Variants in SGCD observed in about 807,000 individuals in gnomAD.
SGCD encodes the protein delta-sarcoglycan.
Under a neutral mutation model 36.6 loss-of-function variants are expected in SGCD, and 18 were observed. That is an observed-to-expected ratio of 0.49 (90% CI 0.34 to 0.73). The LOEUF (loss-of-function observed/expected upper bound fraction) is 0.73, where lower values mean the gene tolerates loss of function less well. Among genes scored for constraint, SGCD ranks in the 30% least tolerant of loss-of-function variants. The pLI, the probability that SGCD is intolerant of heterozygous loss-of-function variation, is 0.01. For synonymous variants in SGCD, 133 were observed against 130.6 expected (o/e 1.02, Z -0.12); for missense variants, 387 against 346.7 (o/e 1.12, Z -0.92).
intron 4 of SGCD, among the ~76,000 whole-genome samples, chr5:156,549,212 T>G (rs1248002877): frequency 2.6e-5 from 4 of 152,156 alleles, no homozygotes; most frequent in Non-Finnish European, 5.9e-5. Flanking sequence ...TCATCTTTGA[T>G]CACAGATTGG....
Position 156,177,547 on chromosome 5 carries a change from CTGTT to C in SGCD, c.-44+53542_-44+53545del, listed in dbSNP as rs566835312. Among the ~76,000 whole-genome samples, 113 of 152,150 alleles carry C rather than the reference CTGTT, an allele frequency of 7.4e-4. 1 individual carries two copies. Among genetic ancestry groups the C allele is most frequent in the African/African-American group, 1.9e-3 (80 of 41,504 alleles). ...CTGAGGGTCCTGTGCATCTCGGGAGCTGTTTGTTTGTTTGTTTAATGAGCTATAT... is the reference window on the plus strand; with the variant it reads ...CTGAGGGTCCTGTGCATCTCGGGAGCTGTTTGTTTGTTTAATGAGCTATAT... On this transcript the variant is annotated intron_variant, in intron 3 of 9. Coordinates refer to the SGCD transcript ENST00000517913.
At chr5:155,855,995 T>G in the SGCD span, among the ~76,000 whole-genome samples, 3 of 152,286 alleles carry the variant, frequency 2.0e-5, no homozygotes, top group Non-Finnish European at 4.4e-5. Flanking sequence ...TTTCCCAAAC[T>G]TGTACAGATG....
chr5:156,159,154 T>C (rs182841347), intron 3 of SGCD, among the ~76,000 whole-genome samples: 233 of 151,762 alleles, frequency 1.5e-3, no homozygotes, highest in Admixed American at 2.7e-3. Flanking sequence ...TTTTGCAAGA[T>C]TATTTGGAAG....
At chr5:156,325,486 G>A (rs774721871), upstream of SGCD, among the ~76,000 whole-genome samples, 2 of 152,126 alleles carry the variant, frequency 1.3e-5, no homozygotes, top group Non-Finnish European at 2.9e-5. Context: ...TCACAGATGA[G>A]GAAACAGATC....
intron 1 of SGCD, among the ~76,000 whole-genome samples, chr5:155,936,132 C>G (rs1325362674): frequency 6.6e-6 from 1 of 152,154 alleles, no homozygotes; most frequent in African/African-American, 2.4e-5. Context: ...TCTGGGCTCC[C>G]CGAAGGACTG....
At chr5:156,389,741 CT>C (rs1424220419) in intron 3 of SGCD, among the ~76,000 whole-genome samples, 4 of 152,126 alleles carry the variant, frequency 2.6e-5, no homozygotes, top group African/African-American at 4.8e-5. Flanking sequence ...TTGGAGACCC[CT>C]GATGTATAGT....
rs116631189 is a variant in SGCD at position 156,003,120 on chromosome 5, T to C, written c.-281-114758T>C. ...ATTTTAGCTTAAATGTCATTTCCTC[T>C]GTAACATCCACTCCCAGTCAGTCCC... is the stretch of plus-strand genomic sequence containing the variant. On this transcript the variant is annotated intron_variant, in intron 1 of 9. Transcript: ENST00000517913. 5.9e-3 allele frequency among the ~76,000 whole-genome samples: 895 copies of C among 152,338 alleles called. 13 individuals carry two copies. Among genetic ancestry groups the C allele is most frequent in the African/African-American group, 0.02 (836 of 41,564 alleles).
At chr5:156,443,245 A>G (rs1244344740) in intron 3 of SGCD, among the ~76,000 whole-genome samples, 3 of 152,142 alleles carry the variant, frequency 2.0e-5, no homozygotes, top group Non-Finnish European at 4.4e-5. Context: ...TTGGCCTCCC[A>G]AAGTGCTGGG....
At chr5:155,880,496 A>T (rs1418732970) in intron 1 of SGCD, among the ~76,000 whole-genome samples, 1 of 152,154 alleles carries the variant, frequency 6.6e-6, no homozygotes, top group Non-Finnish European at 1.5e-5. Flanking sequence ...ATACTTTAAC[A>T]TACATCTCCC....
intron 3 of SGCD, among the ~76,000 whole-genome samples, chr5:156,206,681 G>T (rs1429792370): frequency 1.3e-5 from 2 of 152,030 alleles, no homozygotes; most frequent in Admixed American, 1.3e-4. Context: ...TAACCAGAAA[G>T]ATGTAAAAGT....
intron 3 of SGCD, among the ~76,000 whole-genome samples, chr5:156,275,697 C>T (rs1177305611): frequency 1.3e-5 from 2 of 152,072 alleles, no homozygotes; most frequent in Non-Finnish European, 2.9e-5. Context: ...AGATGGTATG[C>T]TTTGAATTAT....
chr5:156,319,920 C>T (rs1208193524), intron 3 of SGCD, among the ~76,000 whole-genome samples: 1 of 152,184 alleles, frequency 6.6e-6, no homozygotes, highest in Non-Finnish European at 1.5e-5. Flanking sequence ...TCAGGAATTA[C>T]TAGCAATGTT....
chr5:155,734,079 A>G, the SGCD span, among the ~76,000 whole-genome samples: 7 of 146,906 alleles, frequency 4.8e-5, no homozygotes, highest in African/African-American at 1.7e-4. Flanking sequence ...TTATATTATT[A>G]TTATATAATA....
chr5:156,206,154 G>A (rs1288684903), intron 3 of SGCD, among the ~76,000 whole-genome samples: 1 of 151,538 alleles, frequency 6.6e-6, no homozygotes, highest in African/African-American at 2.4e-5. Flanking sequence ...TTTACCCAAT[G>A]GTATATCTTG....
chr5:156,552,632 T>C (rs1336246445), intron 4 of SGCD, among the ~76,000 whole-genome samples: 1 of 152,056 alleles, frequency 6.6e-6, no homozygotes, highest in African/African-American at 2.4e-5. Flanking sequence ...AGAATAAGGG[T>C]CAGCTCATTT....
At chr5:155,836,418 G>T in the SGCD span, among the ~76,000 whole-genome samples, 1 of 152,004 alleles carries the variant, frequency 6.6e-6, no homozygotes, top group Non-Finnish European at 1.5e-5. Context: ...GATTCTTCAA[G>T]GATATAGGAA....
Position 155,912,765 on chromosome 5 carries a change from T to C in SGCD, c.-282+42341T>C, listed in dbSNP as rs115646210. 1.9e-3 allele frequency among the ~76,000 whole-genome samples: 291 copies of C among 152,258 alleles called. 3 individuals are homozygous for C. Among genetic ancestry groups the C allele is most frequent in the African/African-American group, 6.7e-3 (279 of 41,570 alleles). On this transcript the variant is annotated intron_variant, in intron 1 of 9. Transcript: ENST00000517913. ...TCCCCTCTTCCTTCTCTTCTCTTTC[T>C]TTCTTTCTAATCAGTGTCTTTCTTA...
At chr5:156,750,257 ATGGTAAATT>A (rs542613625) in intron 7 of SGCD, among the ~76,000 whole-genome samples, 2,076 of 152,296 alleles carry the variant, frequency 0.014, 20 homozygotes, top group African/African-American at 0.025. Flanking sequence ...AACATACTTA[ATGGTAAATT>A]TGGTAAATTG....
intron 1 of SGCD, among the ~76,000 whole-genome samples, chr5:156,071,411 G>A (rs1581078167): frequency 6.6e-6 from 1 of 152,178 alleles, no homozygotes. Context: ...TCAGGAGCAG[G>A]TTGTTCAGTT....
Sources: allele counts gnomAD v4.1 joint callset (sites outside exome capture counted in the v4.1 genomes callset), GRCh38; gene constraint gnomAD v4.1.1; transcripts MANE v1.5; gene names NCBI Gene and HGNC (gene_info 2026-07-23, HGNC 2026-07-21).